C10orf143: variants seen among roughly 807,000 people sequenced by gnomAD.
C10orf143 encodes the protein chromosome 10 open reading frame 143.
chr10:130,055,423 C>T (rs1186167520), intron 3 of C10orf143, among the ~76,000 whole-genome samples: 2 of 152,076 alleles, frequency 1.3e-5, no homozygotes, highest in African/African-American at 2.4e-5. Context: ...AAAGTAATAG[C>T]CCAATTTAAA....
rs531113726 is a variant in C10orf143 at position 130,065,877 on chromosome 10, A to G, written c.298-1494T>C. 1 of 152,208 alleles carries G rather than the reference A, an allele frequency of 6.6e-6. No homozygotes were observed. The highest frequency in any genetic ancestry group is 2.4e-5 in the African/African-American group (1 of 41,438). 9.4% of individuals were successfully genotyped at this position (152,208 alleles called of 1,614,324 possible). ...GCACTGAAGGGGCAGAGTCAGTGGA[A>G]GCCTGGGAGGCTCACTTGGAGGTGC... On this transcript the variant is annotated intron_variant, in intron 3 of 3. Transcript: ENST00000637128. This position sits in a 1 kb window ranked among gnomAD's most constrained non-coding sequence, Gnocchi z 4.2.
chr10:130,074,714 T>C (rs1009120219), intron 3 of C10orf143, among the ~76,000 whole-genome samples: 24 of 152,064 alleles, frequency 1.6e-4, no homozygotes, highest in African/African-American at 4.1e-4. Context: ...TGTACAAATA[T>C]GTAAACAAAA....
At chr10:130,106,697 C>T in intron 1 of C10orf143, 1 of 1,238,784 alleles carries the variant, frequency 8.1e-7, no homozygotes, top group Non-Finnish European at 1.2e-6. Context: ...AAACTCTCAC[C>T]TTCAGGAAAG....
chr10:130,076,049 C>T (rs566691602), intron 3 of C10orf143, among the ~76,000 whole-genome samples: 4 of 146,330 alleles, frequency 2.7e-5, no homozygotes, highest in South Asian at 2.1e-4. Context: ...AGTGCAATGG[C>T]GCAATCTTGG....
chr10:130,074,376 C>T lies in C10orf143; in HGVS notation c.297+5190G>A, dbSNP rs182567905. On this transcript the variant is annotated intron_variant, in intron 3 of 3. Transcript: ENST00000637128. The stretch of plus-strand genomic sequence containing the variant: ...TTCTTACAGAATGATCAATGAAGTT[C>T]CCGTTGATCCCTCCATGATTGTGTT... Among the ~76,000 whole-genome samples the T allele has an allele frequency of 4.5e-4, 68 of 152,308 alleles. No homozygotes were observed. In the Middle Eastern group the frequency reaches 0.01, roughly 23 times the overall value.
At chr10:130,094,520 T>G (rs1287966966) in intron 1 of C10orf143, among the ~76,000 whole-genome samples, 3 of 152,192 alleles carry the variant, frequency 2.0e-5, no homozygotes, top group Non-Finnish European at 2.9e-5. Context: ...TCAAAAAGCT[T>G]ATCCACCACA....
intron 3 of C10orf143, among the ~76,000 whole-genome samples, chr10:130,075,259 A>G (rs1861096416): frequency 6.6e-6 from 1 of 152,194 alleles, no homozygotes; most frequent in Admixed American, 6.5e-5. Context: ...GATAAAAGGC[A>G]GCGAAGGAGC....
At chr10:130,108,084 C>A (rs1227754462) in intron 1 of C10orf143, 1 of 1,504,292 alleles carries the variant, frequency 6.6e-7, no homozygotes, top group South Asian at 1.1e-5. Flanking sequence ...TCTCTCCCTG[C>A]TGAAAATGCA....
At chr10:130,084,156 A>G (rs1861252702) in intron 1 of C10orf143, among the ~76,000 whole-genome samples, 1 of 150,564 alleles carries the variant, frequency 6.6e-6, no homozygotes, top group Non-Finnish European at 1.5e-5. Context: ...TAAAAATACA[A>G]AAAAAAAATT....
chr10:130,053,224 C>G (rs1016097695), intron 3 of C10orf143, among the ~76,000 whole-genome samples: 2 of 152,242 alleles, frequency 1.3e-5, no homozygotes, highest in South Asian at 2.1e-4. Context: ...TCACACCCAG[C>G]TAATTTTTGT....
chr10:130,076,265 T>TGC (rs1272964214), intron 3 of C10orf143, among the ~76,000 whole-genome samples: 1 of 152,158 alleles, frequency 6.6e-6, no homozygotes, highest in African/African-American at 2.4e-5. Context: ...AGCTATGTAC[T>TGC]GCGGGAGGGC....
chr10:130,081,207 C>T (rs1360640680), intron 1 of C10orf143, among the ~76,000 whole-genome samples: 1 of 150,840 alleles, frequency 6.6e-6, no homozygotes, highest in Non-Finnish European at 1.5e-5. Context: ...GAACATAAGC[C>T]CAAAGTGTTA....
intron 3 of C10orf143, among the ~76,000 whole-genome samples, chr10:130,070,961 G>A (rs1032750124): frequency 6.6e-6 from 1 of 151,980 alleles, no homozygotes; most frequent in African/African-American, 2.4e-5. Flanking sequence ...CGTCACCCAG[G>A]CTGGAGTGCA....
At chr10:130,062,624 TTC>T (rs1428475594), downstream of C10orf143, among the ~76,000 whole-genome samples, 1 of 152,192 alleles carries the variant, frequency 6.6e-6, no homozygotes, top group African/African-American at 2.4e-5. Flanking sequence ...CACTATCGAC[TTC>T]TCTACTTTTG....
chr10:130,093,339 A>T (rs1038846255), intron 1 of C10orf143, among the ~76,000 whole-genome samples: 2 of 152,250 alleles, frequency 1.3e-5, no homozygotes, highest in African/African-American at 4.8e-5. Context: ...AAATTAAGGC[A>T]GAAATAAATA....
chr10:130,057,089 A>G (rs1054184439), intron 3 of C10orf143, among the ~76,000 whole-genome samples: 1 of 136,340 alleles, frequency 7.3e-6, no homozygotes, highest in African/African-American at 2.8e-5. Flanking sequence ...ATGAGGTTTC[A>G]CCGTGTTGCC....
intron 3 of C10orf143, among the ~76,000 whole-genome samples, chr10:130,071,322 C>G (rs141783791): frequency 4.7e-4 from 72 of 152,310 alleles, no homozygotes; most frequent in African/African-American, 1.6e-3. Flanking sequence ...CATCCTTTCA[C>G]TCTACCTCAC....
intron 1 of C10orf143, among the ~76,000 whole-genome samples, chr10:130,090,851 C>T (rs759028667): frequency 6.6e-6 from 1 of 152,140 alleles, no homozygotes; most frequent in Non-Finnish European, 1.5e-5. Flanking sequence ...GCCACTGTAG[C>T]CAGACTGCCT....
intron 3 of C10orf143, among the ~76,000 whole-genome samples, chr10:130,041,586 T>C (rs945199628): frequency 6.6e-5 from 10 of 152,270 alleles, no homozygotes; most frequent in Non-Finnish European, 1.0e-4. Flanking sequence ...TTTTAACTTA[T>C]GAGTTTTAAC....
Sources: allele counts gnomAD v4.1 joint callset (sites outside exome capture counted in the v4.1 genomes callset), GRCh38; gene constraint gnomAD v4.1.1; non-coding constraint Gnocchi (gnomAD v3.1); transcripts MANE v1.5; gene names NCBI Gene and HGNC (gene_info 2026-07-23, HGNC 2026-07-21).